Variants in RTN4 observed in about 807,000 individuals in gnomAD.
RTN4 encodes reticulon 4.
Under a neutral mutation model 90.4 loss-of-function variants are expected in RTN4, and 32 were observed. The observed-to-expected ratio is 0.35, with a 90% CI of 0.27 to 0.48. The LOEUF (loss-of-function observed/expected upper bound fraction) is 0.48, where lower values mean the gene tolerates loss of function less well. Among genes scored for constraint, RTN4 ranks in the 20% least tolerant of loss-of-function variants. The probability of loss-of-function intolerance (pLI) is 0.99; values close to 1 mark genes in which losing one functional copy is unlikely to be tolerated. For missense variants in RTN4, 1,706 were observed against 1,430.2 expected (o/e 1.19, Z -3.11); for synonymous variants, 629 against 552.5 (o/e 1.14, Z -1.94).
At chr2:55,019,508 G>C (rs1681277024) in intron 3 of RTN4, among the ~76,000 whole-genome samples, 1 of 152,170 alleles carries the variant, frequency 6.6e-6, no homozygotes, top group Admixed American at 6.6e-5. Context: ...ATGAATAGCA[G>C]ATAACTCTAG....
chr2:55,013,617 G>A (rs1324245885), intron 3 of RTN4, among the ~76,000 whole-genome samples: 1 of 120,654 alleles, frequency 8.3e-6, no homozygotes, highest in East Asian at 2.9e-4. Flanking sequence ...TTGGGGGGGG[G>A]GGAGGGTGTA....
chr2:55,053,151 A>C (rs1270284578), upstream of RTN4, among the ~76,000 whole-genome samples: 2 of 152,210 alleles, frequency 1.3e-5, no homozygotes, highest in Non-Finnish European at 2.9e-5. Context: ...TAAGTATTTG[A>C]TAGATAGATG....
chr2:55,079,289 TG>T (rs1324655518), intron 2 of RTN4, among the ~76,000 whole-genome samples: 2 of 152,242 alleles, frequency 1.3e-5, no homozygotes, highest in African/African-American at 4.8e-5. Flanking sequence ...TCATTGTGCC[TG>T]GGTGGTTAAC....
At chr2:55,063,603 C>T (rs747618483) in intron 2 of RTN4, among the ~76,000 whole-genome samples, 3 of 151,840 alleles carry the variant, frequency 2.0e-5, no homozygotes, top group African/African-American at 4.8e-5. Flanking sequence ...ATTCTGGGCC[C>T]GACGCAGTGG....
chr2:55,086,799 C>A (rs1458333820), intron 1 of RTN4, among the ~76,000 whole-genome samples: 2 of 151,794 alleles, frequency 1.3e-5, no homozygotes, highest in African/African-American at 4.8e-5. Flanking sequence ...CACTGTCAAC[C>A]AATTTTGCCT....
intron 2 of RTN4, among the ~76,000 whole-genome samples, chr2:55,080,214 C>T (rs1027389636): frequency 2.6e-5 from 4 of 151,946 alleles, no homozygotes; most frequent in African/African-American, 7.3e-5. Context: ...GATGGGGTCT[C>T]GCCATGTCAC....
chr2:54,983,984 A>G (rs551715387), intron 4 of RTN4, among the ~76,000 whole-genome samples: 4 of 152,238 alleles, frequency 2.6e-5, no homozygotes, highest in South Asian at 4.1e-4. Flanking sequence ...CTTACTTCCA[A>G]CTACTCTTTA....
In RTN4 at chr2:54,973,632, G is replaced by A; in HGVS notation, c.3478-11C>T. 1.2e-6 allele frequency: 2 copies of A among 1,602,872 alleles called. No homozygotes were observed. Among genetic ancestry groups the A allele is most frequent in the Non-Finnish European group, 1.7e-6 (2 of 1,169,984 alleles). On this transcript the variant is annotated splice_polypyrimidine_tract_variant and intron_variant, in intron 7 of 8. Coordinates refer to ENST00000337526, the MANE Select transcript of RTN4 (RefSeq NM_020532.5). ...ATGATCTATCTGTGCCTGAAAGAGA[G>A]GTATAAAGGAATTATTACCGTTGCT...
intron 1 of RTN4, among the ~76,000 whole-genome samples, chr2:55,036,976 T>C (rs765652524): frequency 7.9e-5 from 12 of 152,268 alleles, no homozygotes; most frequent in Non-Finnish European, 1.5e-4. Context: ...GACTGTATAG[T>C]TGGAAAATCC....
chr2:55,046,720 G>A (rs1573470166), intron 1 of RTN4: 1 of 152,164 alleles, frequency 6.6e-6, no homozygotes, highest in Non-Finnish European at 1.5e-5. Flanking sequence ...ATAATGGGTT[G>A]AATTAATGAA....
chr2:54,973,159 T>G lies in RTN4; in HGVS notation c.3576A>C (p.Glu1192Asp), dbSNP rs145269375. The G allele has an allele frequency of 6.2e-7, 1 of 1,603,838 alleles. No individual in the cohort carries two copies. The highest frequency in any genetic ancestry group is 1.7e-5 in the Admixed American group (1 of 59,914). Residue 1192 changes from glutamate to aspartate, a missense_variant, in exon 9 of 9, where the codon GAA (glutamate) becomes GAC (aspartate). Transcript: ENST00000337526. ...AKIPGLKRKA[E>D] ...CTACTAATTATTTTGGGCGTTTTCA[T>G]TCAGCTTTGCGCTTCAATCCAGGGA...
chr2:55,038,600 G>A (rs1324411216), intron 1 of RTN4, among the ~76,000 whole-genome samples: 3 of 152,136 alleles, frequency 2.0e-5, no homozygotes, highest in Admixed American at 2.0e-4. Context: ...AAAATGGTTA[G>A]AATTTAAAAA....
At chr2:54,997,556 T>C (rs750928833) in intron 3 of RTN4, among the ~76,000 whole-genome samples, 2 of 152,186 alleles carry the variant, frequency 1.3e-5, no homozygotes, top group East Asian at 1.9e-4. Flanking sequence ...CAAATGTTCA[T>C]AGCAGCATTA....
intron 3 of RTN4, among the ~76,000 whole-genome samples, chr2:55,022,931 C>A (rs542918382): frequency 8.7e-4 from 62 of 71,452 alleles, no homozygotes; most frequent in African/African-American, 2.1e-3. Context: ...ACACACACAC[C>A]CTGCTCTCCC....
intron 1 of RTN4, among the ~76,000 whole-genome samples, chr2:55,090,128 A>G (rs866227609): frequency 7.2e-5 from 11 of 152,130 alleles, no homozygotes; most frequent in Admixed American, 3.3e-4. Flanking sequence ...TGTTTTGAGT[A>G]GGATGGGGCT....
intron 2 of RTN4, among the ~76,000 whole-genome samples, chr2:55,071,019 T>A (rs13403423): frequency 9.3e-5 from 14 of 150,894 alleles, no homozygotes; most frequent in South Asian, 8.4e-4. Context: ...CTCGTGATCT[T>A]CCCACCTCGG....
At chr2:55,123,484 A>G in the RTN4 span, among the ~76,000 whole-genome samples, 1 of 152,102 alleles carries the variant, frequency 6.6e-6, no homozygotes, top group Non-Finnish European at 1.5e-5. Flanking sequence ...ACTATCAAAA[A>G]TTATTTGAGA....
the RTN4 span, among the ~76,000 whole-genome samples, chr2:55,135,860 G>T: frequency 1.6e-4 from 24 of 152,260 alleles, no homozygotes; most frequent in South Asian, 5.0e-3. Context: ...TAATTATTGT[G>T]AGGTTCATTC....
chr2:55,103,608 C>A (rs112915731), intron 1 of RTN4, among the ~76,000 whole-genome samples: 13 of 152,150 alleles, frequency 8.5e-5, no homozygotes, highest in African/African-American at 2.9e-4. Flanking sequence ...TATCCTTAAA[C>A]CCACAGAGCT....
Sources: gnomAD v4.1 joint callset for allele counts (sites outside exome capture counted in the v4.1 genomes callset) on GRCh38, gnomAD v4.1.1 for gene constraint, MANE v1.5 for transcripts, NCBI Gene and HGNC (gene_info 2026-07-23, HGNC 2026-07-21) for gene names.